SPATS2L: variants seen among roughly 807,000 people sequenced by gnomAD.
The protein encoded by SPATS2L is SPATS2-like protein.
A neutral mutation model predicts 59.6 loss-of-function variants in SPATS2L; 30 were observed. That is an observed-to-expected ratio of 0.50 (90% CI 0.38 to 0.68). The LOEUF is 0.68. Among genes scored for constraint, SPATS2L ranks in the 30% least tolerant of loss-of-function variants. The pLI, the probability that SPATS2L is intolerant of heterozygous loss-of-function variation, is 0.00. For missense variants in SPATS2L, 615 were observed against 700.0 expected (o/e 0.88, Z 1.37); for synonymous variants, 252 against 263.5 (o/e 0.96, Z 0.42).
intron 2 of SPATS2L, chr2:200,372,222 T>A: frequency 9.1e-6 from 9 of 984,184 alleles, no homozygotes; most frequent in Non-Finnish European, 1.1e-5. Context: ...TCTGGAGTTA[T>A]AAGGCAGAGG....
At chr2:200,421,856 C>T (rs1182002219) in intron 6 of SPATS2L, among the ~76,000 whole-genome samples, 1 of 152,186 alleles carries the variant, frequency 6.6e-6, no homozygotes, top group Non-Finnish European at 1.5e-5. Context: ...CTTTCAAAAT[C>T]CAATTACTCA....
chr2:200,375,779 A>G (rs895378841), intron 2 of SPATS2L, among the ~76,000 whole-genome samples: 1 of 152,096 alleles, frequency 6.6e-6, no homozygotes, highest in Non-Finnish European at 1.5e-5. Context: ...GGCACATGCA[A>G]CCACACCTGG....
chr2:200,440,693 G>A lies in SPATS2L; in HGVS notation c.697G>A (p.Val233Ile), dbSNP rs370727542. ...KSVKDLQRCT[V>I]SLTRYRVMIK... is the part of the protein sequence containing the mutation. Reference sequence around the variant, plus strand: ...AGTGAAGGATTTGCAACGCTGCACCGTTTCTCTAACTAGATATCGCGTCAT... The same window carrying A: ...AGTGAAGGATTTGCAACGCTGCACCATTTCTCTAACTAGATATCGCGTCAT... The change falls in exon 8 of 13, where the codon GTT becomes ATT. Residue 233 changes from valine to isoleucine, a missense_variant. Physicochemically the swap from Val to Ile is conservative, Grantham distance 29. This residue lies in a region of SPATS2L where 104 missense variants were observed against 162.5 expected (regional missense o/e 0.64). Coordinates refer to ENST00000409140, the MANE Select transcript of SPATS2L (RefSeq NM_001100423.2). 68 of 1,613,488 alleles carry A rather than the reference G, an allele frequency of 4.2e-5. 1 individual carries two copies. The Admixed American group carries it at 5.8e-4, about 14-fold the overall frequency.
intron 6 of SPATS2L, among the ~76,000 whole-genome samples, chr2:200,421,196 T>C (rs1205826973): frequency 6.6e-6 from 1 of 151,952 alleles, no homozygotes; most frequent in Non-Finnish European, 1.5e-5. Flanking sequence ...GAGTTTAAGG[T>C]TTGGGGAAGA....
chr2:200,403,034 A>G (rs536002938), intron 3 of SPATS2L, among the ~76,000 whole-genome samples: 2 of 152,344 alleles, frequency 1.3e-5, no homozygotes, highest in South Asian at 2.1e-4. Context: ...TGTTCTAGTC[A>G]TTGCACAAGT....
At chr2:200,315,853 A>T (rs1290164173) in intron 1 of SPATS2L, among the ~76,000 whole-genome samples, 2 of 94,878 alleles carry the variant, frequency 2.1e-5, no homozygotes, top group Non-Finnish European at 4.7e-5. Context: ...CTCACCAAAA[A>T]TCCAAAAAAA....
chr2:200,406,495 G>C (rs2082692678), intron 3 of SPATS2L, among the ~76,000 whole-genome samples: 1 of 151,984 alleles, frequency 6.6e-6, no homozygotes, highest in Non-Finnish European at 1.5e-5. Flanking sequence ...GAGCAGGAAG[G>C]AGAGAAAGTG....
intron 2 of SPATS2L, among the ~76,000 whole-genome samples, chr2:200,354,445 T>A (rs2080845159): frequency 6.6e-6 from 1 of 152,052 alleles, no homozygotes; most frequent in Non-Finnish European, 1.5e-5. Flanking sequence ...CCGTCTCTAC[T>A]AAAAATACAA....
intron 2 of SPATS2L, among the ~76,000 whole-genome samples, chr2:200,381,769 C>T (rs1017830033): frequency 6.6e-6 from 1 of 152,172 alleles, no homozygotes; most frequent in Admixed American, 6.5e-5. Flanking sequence ...TTCTTCCCCT[C>T]TGAGGCAGCC....
chr2:200,307,808 C>T (rs2079077155), intron 1 of SPATS2L, among the ~76,000 whole-genome samples: 1 of 152,234 alleles, frequency 6.6e-6, no homozygotes, highest in Non-Finnish European at 1.5e-5. Flanking sequence ...CTTCTCATCC[C>T]CCCCGCAATC....
intron 3 of SPATS2L, among the ~76,000 whole-genome samples, chr2:200,407,129 G>A (rs1334396793): frequency 6.6e-6 from 1 of 151,746 alleles, no homozygotes; most frequent in African/African-American, 2.4e-5. Flanking sequence ...AATCTATTGA[G>A]TAGCTAATAT....
intron 1 of SPATS2L, 37 bp downstream of exon 1, chr2:200,306,959 G>T: frequency 1.0e-6 from 1 of 983,122 alleles, no homozygotes; most frequent in Non-Finnish European, 1.2e-6. Context: ...GGCCGGCTGG[G>T]GATGCAGGGC....
intron 2 of SPATS2L, among the ~76,000 whole-genome samples, chr2:200,381,486 C>T (rs562724574): frequency 2.0e-5 from 3 of 152,298 alleles, no homozygotes; most frequent in East Asian, 3.9e-4. Flanking sequence ...CTCTCCCTAT[C>T]GAAGGGTACC....
chr2:200,471,424 C>A (rs987103281), intron 11 of SPATS2L, among the ~76,000 whole-genome samples: 1 of 152,078 alleles, frequency 6.6e-6, no homozygotes, highest in Non-Finnish European at 1.5e-5. Context: ...CTGTCACCAC[C>A]GATCTCGGGG....
chr2:200,396,033 A>AATATAAATAT (rs1553520467), intron 3 of SPATS2L, among the ~76,000 whole-genome samples: 4 of 21,136 alleles, frequency 1.9e-4, no homozygotes, highest in African/African-American at 2.9e-4. Context: ...AAAAAAAAAA[A>AATATAAATAT]ATATATATAT....
At chr2:200,453,569 G>A (rs1459744393) in intron 8 of SPATS2L, among the ~76,000 whole-genome samples, 2 of 152,294 alleles carry the variant, frequency 1.3e-5, no homozygotes, top group East Asian at 3.9e-4. Context: ...TGCAACTAGT[G>A]GGCAAAATTT....
chr2:200,364,501 T>C (rs745505779), intron 2 of SPATS2L, among the ~76,000 whole-genome samples: 14 of 152,228 alleles, frequency 9.2e-5, no homozygotes, highest in Non-Finnish European at 1.6e-4. Context: ...TTAATGTCAG[T>C]GGCAACTGTC....
rs532089898 is a variant in SPATS2L, at chr2:200,401,753, G to A, written c.40-10558G>A. On this transcript the variant is annotated intron_variant, in intron 3 of 12. Coordinates refer to ENST00000409140, the MANE Select transcript of SPATS2L (RefSeq NM_001100423.2). ...TCCCAGATTTGATATCTGGAGTGGGGCTCAGGTTTAGCTATGTTTTGAAAA... is the reference window on the plus strand; with the variant it reads ...TCCCAGATTTGATATCTGGAGTGGGACTCAGGTTTAGCTATGTTTTGAAAA... 2.6e-5 allele frequency among the ~76,000 whole-genome samples: 4 copies of A among 152,236 alleles called. No homozygotes were observed. The East Asian group carries it at 7.7e-4, about 29-fold the overall frequency.
chr2:200,385,230 G>C (rs561106123), intron 2 of SPATS2L, among the ~76,000 whole-genome samples: 5 of 152,324 alleles, frequency 3.3e-5, no homozygotes, highest in African/African-American at 1.2e-4. Context: ...ACTCACTGTA[G>C]GTCCTAAAAA....
Sources: allele counts gnomAD v4.1 joint callset (sites outside exome capture counted in the v4.1 genomes callset), GRCh38; gene constraint gnomAD v4.1.1; regional missense constraint gnomAD v4.1.1; transcripts MANE v1.5; gene names NCBI Gene and HGNC (gene_info 2026-07-23, HGNC 2026-07-21).